The following LRRC4C variants were observed in gnomAD, a reference collection of about 807,000 sequenced individuals.
The protein encoded by LRRC4C is leucine-rich repeat-containing protein 4C.
A neutral mutation model predicts 33.6 loss-of-function variants in LRRC4C; 5 were observed. The observed-to-expected ratio is 0.15, with a 90% CI of 0.08 to 0.31. The LOEUF is 0.31. Among genes scored for constraint, LRRC4C ranks in the 10% least tolerant of loss-of-function variants. The probability of loss-of-function intolerance (pLI) is 1.00; values close to 1 mark genes in which losing one functional copy is unlikely to be tolerated. For synonymous variants in LRRC4C, 329 were observed against 302.0 expected (o/e 1.09, Z -0.93); for missense variants, 560 against 796.7 (o/e 0.70, Z 3.58).
At chr11:41,047,932 T>G (rs1019330406) in intron 1 of LRRC4C, among the ~76,000 whole-genome samples, 1 of 152,138 alleles carries the variant, frequency 6.6e-6, no homozygotes, top group African/African-American at 2.4e-5. Flanking sequence ...AATAACCCCA[T>G]CTCTTCTCCA....
chr11:41,169,712 A>T (rs1240725389), intron 1 of LRRC4C, among the ~76,000 whole-genome samples: 1 of 152,184 alleles, frequency 6.6e-6, no homozygotes, highest in African/African-American at 2.4e-5. Context: ...AACAAGCAAG[A>T]TGTGGCCTTC....
intron 3 of LRRC4C, among the ~76,000 whole-genome samples, chr11:40,462,531 C>T (rs1952448908): frequency 6.6e-6 from 1 of 151,964 alleles, no homozygotes; most frequent in Non-Finnish European, 1.5e-5. Flanking sequence ...AGGCATAATG[C>T]TTTGTAAACC....
chr11:40,567,092 AT>A (rs1428981160), intron 3 of LRRC4C, among the ~76,000 whole-genome samples: 1 of 152,174 alleles, frequency 6.6e-6, no homozygotes, highest in Non-Finnish European at 1.5e-5. Flanking sequence ...AGAAGCATCT[AT>A]TGAGTGTGTA....
chr11:41,431,190 C>A (rs932350607), intron 1 of LRRC4C, among the ~76,000 whole-genome samples: 26 of 151,990 alleles, frequency 1.7e-4, no homozygotes, highest in African/African-American at 6.3e-4. Flanking sequence ...TAAAAACATT[C>A]CTTGAGAATC....
intron 1 of LRRC4C, among the ~76,000 whole-genome samples, chr11:41,404,128 G>A (rs978493047): frequency 6.6e-5 from 10 of 152,018 alleles, no homozygotes; most frequent in African/African-American, 2.4e-4. Context: ...ATGTGACAAT[G>A]AGAAAGTTAA....
At chr11:40,564,715 G>A (rs1183277607) in intron 3 of LRRC4C, among the ~76,000 whole-genome samples, 1 of 152,116 alleles carries the variant, frequency 6.6e-6, no homozygotes, top group African/African-American at 2.4e-5. Flanking sequence ...TAGAGGGAGT[G>A]GTCCCTAAAG....
intron 3 of LRRC4C, among the ~76,000 whole-genome samples, chr11:40,417,957 C>G (rs1008205196): frequency 6.6e-6 from 1 of 152,180 alleles, no homozygotes; most frequent in Admixed American, 6.5e-5. Context: ...AATGCCAGCA[C>G]CTTTCAGAAT....
intron 5 of LRRC4C, among the ~76,000 whole-genome samples, chr11:40,142,370 G>A (rs1224409459): frequency 6.6e-6 from 1 of 151,224 alleles, no homozygotes; most frequent in African/African-American, 2.4e-5. Flanking sequence ...CCCTTCAGTA[G>A]GATATATGAA....
intron 1 of LRRC4C, among the ~76,000 whole-genome samples, chr11:41,095,244 G>A (rs745771553): frequency 2.6e-5 from 4 of 152,088 alleles, no homozygotes; most frequent in Non-Finnish European, 4.4e-5. Context: ...TAAACCATCA[G>A]ATCTTGTGAG....
At chr11:40,417,917 A>T (rs1195121999) in intron 3 of LRRC4C, among the ~76,000 whole-genome samples, 1 of 152,238 alleles carries the variant, frequency 6.6e-6, no homozygotes, top group Non-Finnish European at 1.5e-5. Flanking sequence ...GGTATCACGC[A>T]GAGCCAATGT....
At position 40,831,106 on chromosome 11, in the gene LRRC4C, G is replaced by A. The variant is rs1230418668; in HGVS notation, c.-407+102529C>T. ...GGGTAGCAGTGATAGAGAAGCAAAA[G>A]AGGGGCATAATTCAACAAGCTTGCA... On this transcript the variant is annotated intron_variant, in intron 2 of 6. Transcript: ENST00000528697. 3.3e-5 allele frequency among the ~76,000 whole-genome samples: 5 copies of A among 152,120 alleles called. No homozygotes were observed. In the East Asian group the frequency reaches 9.6e-4, roughly 29 times the overall value.
At chr11:40,677,291 CAGG>C (rs1944452043) in intron 2 of LRRC4C, among the ~76,000 whole-genome samples, 1 of 152,044 alleles carries the variant, frequency 6.6e-6, no homozygotes, top group African/African-American at 2.4e-5. Flanking sequence ...GAGGCTGAGG[CAGG>C]AGAATTGCTT....
Position 40,232,291 on chromosome 11 carries a change from C to T in LRRC4C, c.-96+9228G>A, listed in dbSNP as rs562838094. ...AAAGTGCTGGGATTACAGGCATGAGCCACCATGCCTGGCCAAAGTCAACAT... is the reference window on the plus strand; with the variant it reads ...AAAGTGCTGGGATTACAGGCATGAGTCACCATGCCTGGCCAAAGTCAACAT... On this transcript the variant is annotated intron_variant, in intron 5 of 6. Coordinates refer to ENST00000528697, the MANE Select transcript of LRRC4C (RefSeq NM_001258419.2). Among the ~76,000 whole-genome samples the T allele has an allele frequency of 9.2e-5, 14 of 152,302 alleles. 1 individual carries two copies. In the East Asian group the frequency reaches 2.7e-3, roughly 29 times the overall value.
chr11:40,318,981 T>C (rs1354093678), intron 4 of LRRC4C, among the ~76,000 whole-genome samples: 2 of 152,180 alleles, frequency 1.3e-5, no homozygotes, highest in African/African-American at 2.4e-5. Context: ...ACTGCCTCCA[T>C]TACCCAGGAG....
At chr11:40,575,218 CA>C (rs1416938114) in intron 3 of LRRC4C, among the ~76,000 whole-genome samples, 1 of 151,936 alleles carries the variant, frequency 6.6e-6, no homozygotes, top group Non-Finnish European at 1.5e-5. Flanking sequence ...AAAGAGCAAA[CA>C]AAAAAATAAA....
rs559768735 is a variant in LRRC4C, at chr11:40,807,303, G to C, written c.-407+126332C>G. 2.0e-4 allele frequency among the ~76,000 whole-genome samples: 31 copies of C among 152,272 alleles called. 2 individuals are homozygous for C. Among genetic ancestry groups the C allele is most frequent in the Middle Eastern group, 6.8e-3 (2 of 294 alleles). On this transcript the variant is annotated intron_variant, in intron 2 of 6. Coordinates refer to ENST00000528697, the MANE Select transcript of LRRC4C (RefSeq NM_001258419.2). ...ACCCTGTTGGTGCTACTAGTCCTGC[G>C]ACAGGCTTCAAGGGACATCTCTCAC...
intron 3 of LRRC4C, among the ~76,000 whole-genome samples, chr11:40,335,577 T>G (rs1946560825): frequency 6.6e-6 from 1 of 152,218 alleles, no homozygotes; most frequent in South Asian, 2.1e-4. Flanking sequence ...TCTTAGAAAT[T>G]TAGTTATGAC....
intron 2 of LRRC4C, among the ~76,000 whole-genome samples, chr11:40,671,946 A>G (rs1004664995): frequency 8.5e-5 from 13 of 152,110 alleles, no homozygotes; most frequent in Admixed American, 5.9e-4. Flanking sequence ...TTAGTAAACA[A>G]TTGGTTGAAT....
chr11:41,263,282 C>G (rs2136755532), intron 1 of LRRC4C, among the ~76,000 whole-genome samples: 1 of 152,222 alleles, frequency 6.6e-6, no homozygotes, highest in East Asian at 1.9e-4. Context: ...CATCCGCACC[C>G]TCATCACTAT....
Sources: allele counts gnomAD v4.1 joint callset (sites outside exome capture counted in the v4.1 genomes callset), GRCh38; gene constraint gnomAD v4.1.1; transcripts MANE v1.5; gene names NCBI Gene and HGNC (gene_info 2026-07-23, HGNC 2026-07-21).